PSMA8: variants seen among roughly 807,000 people sequenced by gnomAD.
The protein encoded by PSMA8 is proteasome 20S subunit alpha 8.
Under a neutral mutation model 32.4 loss-of-function variants are expected in PSMA8, and 18 were observed. That is an observed-to-expected ratio of 0.56 (90% CI 0.38 to 0.82). The LOEUF (loss-of-function observed/expected upper bound fraction) is 0.82, where lower values mean the gene tolerates loss of function less well. Among genes scored for constraint, PSMA8 ranks in the 40% least tolerant of loss-of-function variants. PSMA8 has a pLI of 0.00. For missense variants in PSMA8, 298 were observed against 300.7 expected, an observed-to-expected ratio of 0.99 and a Z score of 0.07; for synonymous variants, 104 against 98.1, an observed-to-expected ratio of 1.06 and a Z score of -0.36.
At chr18:26,158,993 GC>G (rs1047136945) in intron 4 of PSMA8, among the ~76,000 whole-genome samples, 1 of 151,872 alleles carries the variant, frequency 6.6e-6, no homozygotes, top group Non-Finnish European at 1.5e-5. Flanking sequence ...ACCAAACAAT[GC>G]CCCCCTGCCC....
intron 4 of PSMA8, among the ~76,000 whole-genome samples, chr18:26,174,520 G>A (rs949888106): frequency 6.6e-6 from 1 of 152,202 alleles, no homozygotes; most frequent in Middle Eastern, 3.4e-3. Context: ...ATGAAAACTG[G>A]CATCTAATAT....
In PSMA8 at chr18:26,133,963, G is replaced by T. The variant is rs1242754527; in HGVS notation, c.-3G>T. The T allele has an allele frequency of 6.2e-7, 1 of 1,613,184 alleles. No individual in the cohort carries two copies. Among genetic ancestry groups the T allele is most frequent in the Admixed American group, 1.7e-5 (1 of 60,002 alleles). On this transcript the variant is annotated 5_prime_UTR_variant, in exon 1 of 7. Coordinates refer to ENST00000415576, the MANE Select transcript of PSMA8 (RefSeq NM_001025096.2). The stretch of plus-strand genomic sequence containing the variant: ...CGGTGGCAAGCCCTTGTAGTCCTGT[G>T]CGATGGCGTCTCGATATGACAGGGC...
chr18:26,160,261 T>C (rs2055125053), intron 4 of PSMA8, among the ~76,000 whole-genome samples: 2 of 152,166 alleles, frequency 1.3e-5, no homozygotes, highest in Middle Eastern at 3.2e-3. Context: ...GCTAGGATCA[T>C]ACCACTGCAC....
chr18:26,184,495 G>A (rs1021291056), intron 6 of PSMA8, among the ~76,000 whole-genome samples: 8 of 150,222 alleles, frequency 5.3e-5, no homozygotes, highest in Non-Finnish European at 1.0e-4. Flanking sequence ...GTTTTTGGCC[G>A]GGCGCGGTGG....
chr18:26,192,451 T>C lies in PSMA8; in HGVS notation c.*40T>C, dbSNP rs1204706798. On this transcript the variant is annotated 3_prime_UTR_variant, in exon 7 of 7. Coordinates refer to ENST00000415576, the MANE Select transcript of PSMA8 (RefSeq NM_001025096.2). Reference sequence around the variant, plus strand: ...ACTGGGAGGTCTTAATGTTTTGTTTTATTGTACTGCCTGAGGTTGTTTAGT... The same window carrying C: ...ACTGGGAGGTCTTAATGTTTTGTTTCATTGTACTGCCTGAGGTTGTTTAGT... 1 of 1,507,142 alleles carries C rather than the reference T, an allele frequency of 6.6e-7. No individual in the cohort carries two copies. The highest frequency in any genetic ancestry group is 1.5e-5 in the African/African-American group (1 of 68,484). 93.4% of individuals were successfully genotyped at this position (1,507,142 alleles called of 1,614,324 possible). A position where few individuals can be genotyped will look rare whatever the true frequency, so the allele number is the denominator to read the frequency against.
chr18:26,179,011 TTTA>T, intron 5 of PSMA8, 54 bp from the exon 6 acceptor site: 1 of 1,607,630 alleles, frequency 6.2e-7, no homozygotes, highest in Non-Finnish European at 8.5e-7. Flanking sequence ...TCCATTTTTG[TTTA>T]TTAAACACAA....
chr18:26,187,524 T>A (rs1167637461), intron 6 of PSMA8, among the ~76,000 whole-genome samples: 7 of 151,974 alleles, frequency 4.6e-5, no homozygotes, highest in Non-Finnish European at 8.8e-5. Flanking sequence ...CAATGATCTG[T>A]TGACTACGAA....
chr18:26,174,187 T>G (rs1177175541), intron 4 of PSMA8, among the ~76,000 whole-genome samples: 3 of 152,238 alleles, frequency 2.0e-5, no homozygotes, highest in Non-Finnish European at 4.4e-5. Context: ...AAATGATGCT[T>G]CTAAATGCCT....
chr18:26,145,604 G>C (rs1177462457), intron 2 of PSMA8, among the ~76,000 whole-genome samples: 1 of 152,022 alleles, frequency 6.6e-6, no homozygotes, highest in Admixed American at 6.6e-5. Flanking sequence ...ATGTTATATG[G>C]ATAAAGTTAT....
chr18:26,146,940 T>TG (rs1285530490), intron 2 of PSMA8, among the ~76,000 whole-genome samples: 2 of 151,980 alleles, frequency 1.3e-5, no homozygotes, highest in African/African-American at 2.4e-5. Context: ...CTTTCAATCA[T>TG]GGTAGAAGGC....
At chr18:26,145,998 T>C (rs1376958626) in intron 2 of PSMA8, among the ~76,000 whole-genome samples, 2 of 152,240 alleles carry the variant, frequency 1.3e-5, no homozygotes, top group Non-Finnish European at 2.9e-5. Context: ...ATTTGCTCTG[T>C]GTTATCAGCA....
chr18:26,167,852 T>TATGACATACCAAGCAGACTAATATAACG (rs1490158200), intron 4 of PSMA8, among the ~76,000 whole-genome samples: 17 of 131,106 alleles, frequency 1.3e-4, no homozygotes, highest in Admixed American at 4.3e-4. Flanking sequence ...GGTATTTTTT[T>TATGACATACCAAGCAGACTAATATAACG]TTTTTTTTTT....
intron 4 of PSMA8, among the ~76,000 whole-genome samples, chr18:26,164,087 AG>A (rs763644109): frequency 4.6e-5 from 7 of 152,354 alleles, no homozygotes; most frequent in Admixed American, 3.3e-4. Flanking sequence ...AGCAATGTGC[AG>A]GTCATTGGTG....
chr18:26,181,135 T>G (rs2055307725), intron 6 of PSMA8, among the ~76,000 whole-genome samples: 1 of 152,252 alleles, frequency 6.6e-6, no homozygotes, highest in African/African-American at 2.4e-5. Flanking sequence ...GTGCTTACTT[T>G]GTGTCTCTGT....
intron 3 of PSMA8, among the ~76,000 whole-genome samples, chr18:26,152,451 A>T (rs1185845731): frequency 6.6e-6 from 1 of 152,020 alleles, no homozygotes; most frequent in African/African-American, 2.4e-5. Flanking sequence ...CAGCCTCCTG[A>T]GTAGCTGTGA....
intron 4 of PSMA8, among the ~76,000 whole-genome samples, chr18:26,163,577 C>G (rs1437286851): frequency 6.6e-6 from 1 of 152,120 alleles, no homozygotes; most frequent in Non-Finnish European, 1.5e-5. Flanking sequence ...AAATCTCAAA[C>G]TTTTTGAGCA....
At chr18:26,187,088 T>C (rs1161154763) in intron 6 of PSMA8, among the ~76,000 whole-genome samples, 1 of 152,224 alleles carries the variant, frequency 6.6e-6, no homozygotes, top group East Asian at 1.9e-4. Flanking sequence ...TTCATGCCTG[T>C]AATCCCAGCA....
intron 4 of PSMA8, among the ~76,000 whole-genome samples, chr18:26,167,903 T>C (rs1456527738): frequency 2.2e-5 from 2 of 91,492 alleles, no homozygotes; most frequent in Non-Finnish European, 3.6e-5. Context: ...GAATTGTTCT[T>C]ATTAAAGAAA....
Position 26,171,456 on chromosome 18 carries a change from G to A in PSMA8, c.478-7374G>A, listed in dbSNP as rs796888920. On this transcript the variant is annotated intron_variant, in intron 4 of 6. Transcript: ENST00000415576. ...TTAAAAAATTTTCTGAGTTTCGGCC[G>A]GGTGCAGTGGCTCACGCCTGTAATC... Among the ~76,000 whole-genome samples, 47 of 152,278 alleles carry A rather than the reference G, an allele frequency of 3.1e-4. 2 individuals are homozygous for A. Among genetic ancestry groups the A allele is most frequent in the African/African-American group, 1.1e-3 (45 of 41,562 alleles).
Sources: allele counts gnomAD v4.1 joint callset (sites outside exome capture counted in the v4.1 genomes callset), GRCh38; gene constraint gnomAD v4.1.1; transcripts MANE v1.5; gene names NCBI Gene and HGNC (gene_info 2026-07-23, HGNC 2026-07-21).